Variants in NOS2 observed in about 807,000 individuals in gnomAD.
NOS2 encodes nitric oxide synthase 2.
In NOS2, 96 loss-of-function variants were observed where a neutral mutation model predicts 136.0. The observed-to-expected ratio is 0.71, with a 90% CI of 0.60 to 0.84. NOS2 has a LOEUF of 0.84. NOS2 is among the 40% of genes least tolerant of loss of function. The pLI is 0.00. For synonymous variants in NOS2, 539 were observed against 587.5 expected (o/e 0.92, Z 1.20); for missense variants, 1,237 against 1,496.9 (o/e 0.83, Z 2.87).
intron 11 of NOS2, 102 bp from the exon 12 acceptor site, chr17:27,774,553 C>A: frequency 1.3e-6 from 1 of 787,692 alleles, no homozygotes; most frequent in Non-Finnish European, 1.9e-6. Flanking sequence ...GAAGGCCTGG[C>A]AATCTGTAAC....
Position 27,789,805 on chromosome 17 carries a change from A to C in NOS2, c.111-117T>G, listed in dbSNP as rs1909136978. ...AGGGAAACTGAGTCCAGAGGGTGGG[A>C]GTGAATTGTTCATGGTCGGTCTGAC... On this transcript the variant is annotated intron_variant, in intron 2 of 26. Transcript: ENST00000313735. The C allele has an allele frequency of 4.3e-6, 3 of 703,730 alleles. No individual in the cohort carries two copies. In the African/African-American group the frequency reaches 5.2e-5, roughly 12 times the overall value. 43.6% of individuals were successfully genotyped at this position (703,730 alleles called of 1,614,324 possible).
chr17:27,773,811 T>TG (rs1250371936), intron 12 of NOS2, among the ~76,000 whole-genome samples: 1 of 152,194 alleles, frequency 6.6e-6, no homozygotes, highest in African/African-American at 2.4e-5. Flanking sequence ...ACACCAGCTT[T>TG]GTGATCCACA....
chr17:27,764,780 C>T (rs1327183539), intron 20 of NOS2, among the ~76,000 whole-genome samples: 3 of 152,186 alleles, frequency 2.0e-5, no homozygotes, highest in African/African-American at 4.8e-5. Flanking sequence ...ATAGTTGGTG[C>T]CGTGCCTGGT....
At chr17:27,780,642 CCT>C (rs1908812131) in intron 9 of NOS2, 123 bp downstream of exon 9, 3 of 1,256,548 alleles carry the variant, frequency 2.4e-6, no homozygotes, top group Non-Finnish European at 2.3e-6. Flanking sequence ...AGGCCAGCCC[CCT>C]GAGTGTCACC....
chr17:27,762,515 A>T (rs1908164832), intron 22 of NOS2, among the ~76,000 whole-genome samples: 1 of 152,208 alleles, frequency 6.6e-6, no homozygotes, highest in Non-Finnish European at 1.5e-5. Flanking sequence ...TCCAGGTCTG[A>T]ATCTCAGCTC....
In NOS2 at chr17:27,787,671, G is replaced by A. The variant is rs2142522890; in HGVS notation, c.467+7C>T. The stretch of plus-strand genomic sequence containing the variant: ...GAGGCAGCGACCCTGCAGGAGGCAA[G>A]CCTTACTCTTTGAAGGAGCCGTAAT... On this transcript the variant is annotated splice_region_variant and intron_variant, in intron 5 of 26. Transcript: ENST00000313735. 6.2e-7 allele frequency: 1 copy of A among 1,609,966 alleles called. No homozygotes were observed. Among genetic ancestry groups the A allele is most frequent in the Non-Finnish European group, 8.5e-7 (1 of 1,178,008 alleles).
chr17:27,764,307 T>C (rs1229891625), intron 20 of NOS2, among the ~76,000 whole-genome samples, 163 bp from the exon 21 acceptor site: 1 of 151,704 alleles, frequency 6.6e-6, no homozygotes, highest in Non-Finnish European at 1.5e-5. Context: ...AGGTGGCGCA[T>C]GGAGAAAGGA....
intron 22 of NOS2, among the ~76,000 whole-genome samples, 187 bp from the exon 23 acceptor site, chr17:27,761,418 G>A (rs772016947): frequency 5.9e-5 from 9 of 152,152 alleles, no homozygotes; most frequent in Non-Finnish European, 1.3e-4. Context: ...GAGGAACGTT[G>A]AAAGGGACTT....
At chr17:27,796,489 A>G (rs191589180) in intron 2 of NOS2, among the ~76,000 whole-genome samples, 1 of 152,092 alleles carries the variant, frequency 6.6e-6, no homozygotes, top group Non-Finnish European at 1.5e-5. Context: ...AATAGAAAAG[A>G]AAAAAATAGG....
intron 19 of NOS2, 137 bp downstream of exon 19, chr17:27,766,373 G>T: frequency 1.3e-6 from 1 of 796,160 alleles, no homozygotes; most frequent in Non-Finnish European, 2.1e-6. Flanking sequence ...AGGTGGGCCG[G>T]TCCTACCGAC....
At chr17:27,791,589 T>C (rs1444484134) in intron 2 of NOS2, among the ~76,000 whole-genome samples, 1 of 152,004 alleles carries the variant, frequency 6.6e-6, no homozygotes, top group Non-Finnish European at 1.5e-5. Flanking sequence ...AAATTCCCAC[T>C]TGCTCCTGCT....
At position 27,778,812 on chromosome 17, in the gene NOS2, C is replaced by T. The variant is rs543235358; in HGVS notation, c.1180-21G>A. 7.7e-5 allele frequency: 125 copies of T among 1,613,512 alleles called. No homozygotes were observed. The Middle Eastern group carries it at 8.2e-4, about 11-fold the overall frequency. ...ACTTCCTACAGAGGCAGAGTGATAGCGGCGAGTCGGTCCCTGAAGCCACCC... is the reference window on the plus strand; with the variant it reads ...ACTTCCTACAGAGGCAGAGTGATAGTGGCGAGTCGGTCCCTGAAGCCACCC... On this transcript the variant is annotated intron_variant, in intron 10 of 26. Coordinates refer to ENST00000313735, the MANE Select transcript of NOS2 (RefSeq NM_000625.4).
At chr17:27,778,636 A>G in intron 11 of NOS2, 54 bp downstream of exon 11, 2 of 1,380,684 alleles carry the variant, frequency 1.4e-6, no homozygotes, top group Non-Finnish European at 2.1e-6. Flanking sequence ...AAGTCACTGG[A>G]TCAGTTAAGC....
intron 2 of NOS2, among the ~76,000 whole-genome samples, chr17:27,793,073 G>A (rs1368006269): frequency 6.6e-6 from 1 of 151,884 alleles, no homozygotes; most frequent in Admixed American, 6.6e-5. Context: ...CAGCCGAGCC[G>A]GTCACAGCTG....
In NOS2 at chr17:27,789,603, C is replaced by A; in HGVS notation, c.195+1G>T. 6.2e-7 allele frequency: 1 copy of A among 1,612,466 alleles called. No individual in the cohort carries two copies. Among genetic ancestry groups the A allele is most frequent in the Non-Finnish European group, 8.5e-7 (1 of 1,178,530 alleles). On this transcript the variant is annotated splice_donor_variant, in intron 3 of 26. Transcript: ENST00000313735. LOFTEE classifies it high-confidence loss of function. ...TTCCCACACCCATGTGACTCACTGA[C>A]CTTTCCCGTCTCCACGAGGGGCTGC...
intron 17 of NOS2, 105 bp from the exon 18 acceptor site, chr17:27,767,942 C>T: frequency 1.5e-5 from 21 of 1,416,380 alleles, no homozygotes; most frequent in Non-Finnish European, 1.9e-5. Flanking sequence ...AACACTGAGC[C>T]GTGTGTTTCG....
intron 13 of NOS2, 135 bp downstream of exon 13, chr17:27,773,026 C>T (rs1019801850): frequency 7.7e-6 from 6 of 779,374 alleles, no homozygotes; most frequent in Middle Eastern, 2.7e-4. Flanking sequence ...CAGAGTAAGA[C>T]CCTGTCTCAA....
chr17:27,766,425 T>C (rs1043412745), intron 19 of NOS2, 85 bp downstream of exon 19: 2 of 1,267,770 alleles, frequency 1.6e-6, no homozygotes, highest in Non-Finnish European at 2.3e-6. Flanking sequence ...CTCCTCTCCC[T>C]TCAAAGACTG....
In NOS2 at chr17:27,769,072, G is replaced by C; in HGVS notation, c.1939C>G (p.His647Asp). 1 of 1,612,678 alleles carries C rather than the reference G, an allele frequency of 6.2e-7. No homozygotes were observed. The highest frequency in any genetic ancestry group is 8.5e-7 in the Non-Finnish European group (1 of 1,179,542). The change falls in exon 17 of 27, where the codon CAC becomes GAC. Residue 647 changes from histidine (H) to aspartate (D), a missense_variant. This residue lies in a region of NOS2 where 782 missense variants were observed against 909.9 expected (regional missense o/e 0.86). Coordinates refer to ENST00000313735, the MANE Select transcript of NOS2 (RefSeq NM_000625.4). ...FAHDIDQKLS[H>D]LGASQLTPMG... ...GGGGTGAGCTGAGAGGCCCCCAGGT[G>C]GGACAGCTTCTGATCAATGTCATGA... is the stretch of plus-strand genomic sequence containing the variant.
Sources: allele counts gnomAD v4.1 joint callset (sites outside exome capture counted in the v4.1 genomes callset), GRCh38; gene constraint gnomAD v4.1.1; regional missense constraint gnomAD v4.1.1; transcripts MANE v1.5; gene names NCBI Gene and HGNC (gene_info 2026-07-23, HGNC 2026-07-21).